PCDH7: variants seen among roughly 807,000 people sequenced by gnomAD.
The protein encoded by PCDH7 is protocadherin-7.
Under a neutral mutation model 58.9 loss-of-function variants are expected in PCDH7, and 17 were observed. That is an observed-to-expected ratio of 0.29 (90% confidence interval 0.20 to 0.43). The LOEUF (loss-of-function observed/expected upper bound fraction) is 0.43. Among genes scored for constraint, PCDH7 ranks in the 20% least tolerant of loss-of-function variants. The probability of loss-of-function intolerance (pLI) is 1.00; values close to 1 mark genes in which losing one functional copy is unlikely to be tolerated. For synonymous variants in PCDH7, 664 were observed against 616.4 expected (o/e 1.08, Z -1.14); for missense variants, 1,274 against 1,441.0 (o/e 0.88, Z 1.88).
At chr4:30,815,458 C>A (rs1363710248) in intron 1 of PCDH7, among the ~76,000 whole-genome samples, 2 of 152,166 alleles carry the variant, frequency 1.3e-5, no homozygotes, top group East Asian at 1.9e-4. Flanking sequence ...CCGACCCAAC[C>A]CTTGACTTGG....
intron 1 of PCDH7, among the ~76,000 whole-genome samples, chr4:30,741,935 A>G (rs1227075426): frequency 6.6e-6 from 1 of 152,192 alleles, no homozygotes; most frequent in Non-Finnish European, 1.5e-5. Context: ...GTTTTGCATG[A>G]TCTCATTGTA....
intron 3 of PCDH7, among the ~76,000 whole-genome samples, chr4:31,141,931 CA>C (rs1272068666): frequency 6.6e-6 from 1 of 152,116 alleles, no homozygotes; most frequent in South Asian, 2.1e-4. Flanking sequence ...AATGTGCTGT[CA>C]ATTTAGGTTC....
intron 1 of PCDH7, among the ~76,000 whole-genome samples, chr4:30,785,248 T>G (rs2109293234): frequency 6.6e-6 from 1 of 152,168 alleles, no homozygotes; most frequent in Middle Eastern, 3.4e-3. Context: ...TTTAGTTGGT[T>G]AGTAAATAAC....
Position 31,081,117 on chromosome 4 carries a change from T to C in PCDH7, c.*8-61356T>C, listed in dbSNP as rs965027072. Among the ~76,000 whole-genome samples, 7 of 152,174 alleles carry C rather than the reference T, an allele frequency of 4.6e-5. 1 individual carries two copies. The highest frequency in any genetic ancestry group is 4.6e-4 in the Admixed American group (7 of 15,262). On this transcript the variant is annotated intron_variant, in intron 3 of 3. Transcript: ENST00000509759. ...AGTGTGAGAACAGACTAATACATAA[T>C]GTATGAAAAACATGCAGTATTTTGG...
At chr4:30,911,323 C>G (rs1188904074) in intron 1 of PCDH7, among the ~76,000 whole-genome samples, 2 of 128,522 alleles carry the variant, frequency 1.6e-5, no homozygotes, top group Non-Finnish European at 3.3e-5. Context: ...AAAAATCACC[C>G]CCCCCCCCAA....
chr4:31,066,484 G>A (rs114101345), intron 3 of PCDH7, among the ~76,000 whole-genome samples: 1,637 of 151,920 alleles, frequency 0.011, 28 homozygotes, highest in African/African-American at 0.038. Context: ...CAAACAAAAT[G>A]AGAATTCAGA....
At chr4:30,724,259 C>G (rs1051881909) in exon 1 of PCDH7, 5 of 1,613,474 alleles carry the variant, frequency 3.1e-6, no homozygotes, top group Non-Finnish European at 4.2e-6. Flanking sequence ...TCTAAGCAGC[C>G]TCTCTACAGC....
chr4:30,797,606 G>C (rs1335746123), intron 1 of PCDH7, among the ~76,000 whole-genome samples: 2 of 152,146 alleles, frequency 1.3e-5, no homozygotes, highest in African/African-American at 2.4e-5. Flanking sequence ...AATACTGTGT[G>C]CATGCTAGTG....
chr4:31,097,603 T>C (rs1245817826), intron 3 of PCDH7, among the ~76,000 whole-genome samples: 7 of 29,256 alleles, frequency 2.4e-4, no homozygotes, highest in African/African-American at 2.4e-3. Flanking sequence ...TATATATATA[T>C]ATATATATAT....
At chr4:30,974,396 C>G (rs1338168925) in intron 3 of PCDH7, among the ~76,000 whole-genome samples, 3 of 151,570 alleles carry the variant, frequency 2.0e-5, no homozygotes, top group African/African-American at 7.3e-5. Context: ...TTTTTTCTCT[C>G]TCTTTTTAAA....
chr4:30,947,755 T>C lies in PCDH7; in HGVS notation c.288-2365T>C, dbSNP rs192325094. The stretch of plus-strand genomic sequence containing the variant: ...GTGAAACTATATAATATAATAGTGC[T>C]ATCTGTAGTCATTCTGCAGTGGTAG... On this transcript the variant is annotated intron_variant, in intron 2 of 3. Coordinates refer to the PCDH7 transcript ENST00000509759. 5.9e-5 allele frequency among the ~76,000 whole-genome samples: 9 copies of C among 152,278 alleles called. No homozygotes were observed. In the East Asian group the frequency reaches 1.7e-3, roughly 29 times the overall value.
intron 2 of PCDH7, 30 bp downstream of exon 2, chr4:30,920,399 A>C (rs775067871): frequency 7.4e-7 from 1 of 1,348,494 alleles, no homozygotes; most frequent in Non-Finnish European, 9.9e-7. Context: ...CCACACACAT[A>C]ATCACGCTAG....
At chr4:31,082,163 G>C (rs1711571042) in intron 3 of PCDH7, among the ~76,000 whole-genome samples, 3 of 152,132 alleles carry the variant, frequency 2.0e-5, no homozygotes, top group Admixed American at 2.0e-4. Context: ...AAAATGTACT[G>C]GACTGCCTTT....
At chr4:30,972,637 A>C (rs1477512997) in intron 3 of PCDH7, among the ~76,000 whole-genome samples, 1 of 152,200 alleles carries the variant, frequency 6.6e-6, no homozygotes, top group Non-Finnish European at 1.5e-5. Context: ...CAACACAAAC[A>C]AATTATCTCT....
intron 1 of PCDH7, among the ~76,000 whole-genome samples, chr4:30,788,186 G>A (rs574008689): frequency 7.5e-4 from 114 of 152,136 alleles, no homozygotes; most frequent in South Asian, 3.5e-3. Context: ...CTACCAATAA[G>A]TTACATGTGC....
At chr4:30,933,496 T>C (rs1258873949) in intron 2 of PCDH7, among the ~76,000 whole-genome samples, 1 of 152,190 alleles carries the variant, frequency 6.6e-6, no homozygotes, top group South Asian at 2.1e-4. Flanking sequence ...TTATTGTTTG[T>C]TTGTTTTCTC....
At chr4:31,044,452 G>T (rs1042527857) in intron 3 of PCDH7, among the ~76,000 whole-genome samples, 2 of 151,770 alleles carry the variant, frequency 1.3e-5, no homozygotes, top group Non-Finnish European at 2.9e-5. Flanking sequence ...TTTTTTAAGT[G>T]TAATTATCAG....
chr4:31,077,834 G>T (rs930732427), intron 3 of PCDH7, among the ~76,000 whole-genome samples: 4 of 152,104 alleles, frequency 2.6e-5, no homozygotes, highest in Non-Finnish European at 5.9e-5. Context: ...AAATTTAGAA[G>T]GCACGAGGTC....
chr4:31,004,472 G>A (rs1752606483), intron 3 of PCDH7, among the ~76,000 whole-genome samples: 1 of 152,084 alleles, frequency 6.6e-6, no homozygotes, highest in Non-Finnish European at 1.5e-5. Flanking sequence ...CACTTTGGGA[G>A]GCCTAAGCTG....
Sources: allele counts gnomAD v4.1 joint callset (sites outside exome capture counted in the v4.1 genomes callset), GRCh38; gene constraint gnomAD v4.1.1; transcripts MANE v1.5; gene names NCBI Gene and HGNC (gene_info 2026-07-23, HGNC 2026-07-21).